Variants in NFIC observed in about 807,000 individuals in gnomAD.
NFIC encodes the protein nuclear factor 1 C-type.
NFIC carries 12 observed loss-of-function variants against 54.4 expected under a neutral mutation model. The observed-to-expected ratio is 0.22, with a 90% confidence interval of 0.14 to 0.36. The LOEUF (loss-of-function observed/expected upper bound fraction) is 0.36, where lower values mean the gene tolerates loss of function less well. Ranked by LOEUF, NFIC falls within the 10% of genes least tolerant of loss-of-function variation. NFIC has a pLI of 1.00. For missense variants in NFIC, 575 were observed against 718.2 expected, an observed-to-expected ratio of 0.80 and a Z score of 2.28; for synonymous variants, 322 against 319.2, an observed-to-expected ratio of 1.01 and a Z score of -0.09.
intron 2 of NFIC, among the ~76,000 whole-genome samples, chr19:3,392,902 G>A (rs1188525194): frequency 6.6e-6 from 1 of 152,228 alleles, no homozygotes; most frequent in East Asian, 1.9e-4. Context: ...TGCCCAGGAA[G>A]GGCCTTGGCT....
At chr19:3,414,774 C>G (rs951602434) in intron 2 of NFIC, among the ~76,000 whole-genome samples, 1 of 152,028 alleles carries the variant, frequency 6.6e-6, no homozygotes, top group South Asian at 2.1e-4. Flanking sequence ...GCTGCAAACC[C>G]CGACTCTGTG....
intron 6 of NFIC, among the ~76,000 whole-genome samples, chr19:3,445,857 A>C (rs544500769): frequency 2.6e-5 from 4 of 152,248 alleles, no homozygotes; most frequent in South Asian, 4.1e-4. Flanking sequence ...CACCAGCAGG[A>C]GACCCAAGAC....
In NFIC at chr19:3,463,661, C is replaced by T; in HGVS notation, c.*892C>T. 1.0e-6 allele frequency: 1 copy of T among 982,106 alleles called. No homozygotes were observed. The highest frequency in any genetic ancestry group is 1.2e-6 in the Non-Finnish European group (1 of 827,786). 60.8% of individuals were successfully genotyped at this position (982,106 alleles called of 1,614,324 possible). A position where few individuals can be genotyped will look rare whatever the true frequency, so the allele number is the denominator to read the frequency against. On this transcript the variant is annotated 3_prime_UTR_variant, in exon 11 of 11. Coordinates refer to ENST00000443272, the MANE Select transcript of NFIC (RefSeq NM_001245002.2). ...CCCCCGGCATAGGAGGCCCCCCCACCTCGCCCGGCTCACACCCCCAAAGGG... is the reference window on the plus strand; with the variant it reads ...CCCCCGGCATAGGAGGCCCCCCCACTTCGCCCGGCTCACACCCCCAAAGGG...
At chr19:3,444,422 C>T (rs1200214782) in intron 6 of NFIC, among the ~76,000 whole-genome samples, 1 of 152,156 alleles carries the variant, frequency 6.6e-6, no homozygotes, top group Non-Finnish European at 1.5e-5. Flanking sequence ...CTGAGATGGG[C>T]GGGGGACGCA....
rs1244660084 is a variant in NFIC, at chr19:3,467,781, A to ATATATATATATATATATATATATATATG, written c.*5020_*5021insTATATATATATATATATATGTATATATA. ...TACATATATATATATATATATATAT[A>ATATATATATATATATATATATATATATG]TATATATAATTTTGGAATTTGTTTC... On this transcript the variant is annotated 3_prime_UTR_variant, in exon 11 of 11. Transcript: ENST00000443272. The ATATATATATATATATATATATATATATG allele has an allele frequency of 3.2e-4, 43 of 135,122 alleles. 3 individuals carry two copies. Among genetic ancestry groups the ATATATATATATATATATATATATATATG allele is most frequent in the African/African-American group, 1.2e-3 (39 of 33,154 alleles). The allele number at this position is 135,122 out of a possible 1,614,324, so 8.4% of individuals were successfully genotyped here. A position where few individuals can be genotyped will look rare whatever the true frequency, so the allele number is the denominator to read the frequency against.
At chr19:3,435,912 C>A (rs1403781169) in intron 6 of NFIC, among the ~76,000 whole-genome samples, 1 of 151,590 alleles carries the variant, frequency 6.6e-6, no homozygotes, top group African/African-American at 2.4e-5. Flanking sequence ...CTGCAGCCTC[C>A]ACCTCCCTGG....
At chr19:3,418,515 G>A (rs938309995) in intron 2 of NFIC, among the ~76,000 whole-genome samples, 1 of 152,180 alleles carries the variant, frequency 6.6e-6, no homozygotes, top group African/African-American at 2.4e-5. Flanking sequence ...AGAATGGTCA[G>A]CAGGTGGTTG....
At position 3,420,556 on chromosome 19, in the gene NFIC, A is replaced by AAAATAAATAAATAAATAAATAAAT. The variant is rs374927099; in HGVS notation, c.563-4542_563-4519dup. On this transcript the variant is annotated intron_variant, in intron 2 of 10. Transcript: ENST00000443272. ...AACAAGAGCGAGATTCCATCTCAAA[A>AAAATAAATAAATAAATAAATAAAT]AAATAAATAAATAAATAAATAAATA... Among the ~76,000 whole-genome samples, 232 of 142,750 alleles carry AAAATAAATAAATAAATAAATAAAT rather than the reference A, an allele frequency of 1.6e-3. 1 individual carries two copies. The highest frequency in any genetic ancestry group is 2.4e-3 in the African/African-American group (94 of 38,618). The allele number at this position is 142,750 out of a possible 152,430, so 93.6% of individuals were successfully genotyped here. A position where few individuals can be genotyped will look rare whatever the true frequency, so the allele number is the denominator to read the frequency against.
In NFIC at chr19:3,466,742, C is replaced by T. The variant is rs1250981787; in HGVS notation, c.*3973C>T. On this transcript the variant is annotated 3_prime_UTR_variant, in exon 11 of 11. Transcript: ENST00000443272. This position sits in a 1 kb window ranked among gnomAD's most constrained non-coding sequence, Gnocchi z 4.8. ...AACCGGAGGCAAAGGGAGTGGGTGG[C>T]CCCATCACTATTGGGACCATCGCGT... The T allele has an allele frequency of 2.6e-5, 4 of 151,982 alleles. No homozygotes were observed. Among genetic ancestry groups the T allele is most frequent in the Admixed American group, 2.6e-4 (4 of 15,266 alleles). 9.4% of individuals were successfully genotyped at this position (151,982 alleles called of 1,614,324 possible).
intron 3 of NFIC, among the ~76,000 whole-genome samples, chr19:3,429,918 C>T (rs919308217): frequency 4.6e-5 from 7 of 152,142 alleles, no homozygotes; most frequent in African/African-American, 9.7e-5. Flanking sequence ...AGTCACGGGG[C>T]GGTTGCCAGG....
In NFIC at chr19:3,464,464, G is replaced by A. The variant is rs1464183842; in HGVS notation, c.*1695G>A. On this transcript the variant is annotated 3_prime_UTR_variant, in exon 11 of 11. Transcript: ENST00000443272. ...CCCAGGATCGCCATCTTTAGGGGAG[G>A]CCTGGGAGGGGGTGTTAGGTGTTTT... The A allele has an allele frequency of 3.0e-6, 3 of 984,202 alleles. No homozygotes were observed. The highest frequency in any genetic ancestry group is 2.4e-6 in the Non-Finnish European group (2 of 829,492). The allele number at this position is 984,202 out of a possible 1,614,324, so 61.0% of individuals were successfully genotyped here.
At chr19:3,403,991 C>T (rs922822074) in intron 2 of NFIC, among the ~76,000 whole-genome samples, 6 of 152,040 alleles carry the variant, frequency 3.9e-5, no homozygotes, top group Non-Finnish European at 5.9e-5. Context: ...ACATGTGGCT[C>T]CCGGGGCTCC....
At chr19:3,365,940 G>C (rs1173764955), upstream of NFIC, among the ~76,000 whole-genome samples, 1 of 152,198 alleles carries the variant, frequency 6.6e-6, no homozygotes, top group Non-Finnish European at 1.5e-5. Context: ...GAGCCAGGGT[G>C]CTGTGGGACC....
chr19:3,461,342 G>A (rs1297843487), intron 10 of NFIC, among the ~76,000 whole-genome samples: 1 of 152,054 alleles, frequency 6.6e-6, no homozygotes, highest in Non-Finnish European at 1.5e-5. Flanking sequence ...AGGATCACTT[G>A]AGCCCAGGAG....
chr19:3,438,989 G>A (rs2082249746), intron 6 of NFIC, among the ~76,000 whole-genome samples: 1 of 152,094 alleles, frequency 6.6e-6, no homozygotes, highest in Admixed American at 6.6e-5. Context: ...AGGAGAATCA[G>A]GCTGACAGAG....
chr19:3,409,594 G>A (rs370257413), intron 2 of NFIC, among the ~76,000 whole-genome samples: 5 of 152,142 alleles, frequency 3.3e-5, no homozygotes, highest in East Asian at 3.9e-4. Flanking sequence ...CACCAACGGC[G>A]GAAGCTTCAG....
At chr19:3,366,541 G>GT (rs1483709084), upstream of NFIC, 7 of 571,016 alleles carry the variant, frequency 1.2e-5, no homozygotes, top group African/African-American at 2.4e-5. Context: ...GGGCGGGGGG[G>GT]GGGGTTGGGG....
intron 6 of NFIC, among the ~76,000 whole-genome samples, chr19:3,442,634 G>A (rs930848125): frequency 2.6e-5 from 4 of 152,020 alleles, no homozygotes; most frequent in African/African-American, 9.7e-5. Context: ...TGATCCGCCC[G>A]CCTCGGCCTC....
intron 3 of NFIC, among the ~76,000 whole-genome samples, chr19:3,431,128 G>A (rs1032491956): frequency 1.3e-5 from 2 of 151,678 alleles, no homozygotes; most frequent in Non-Finnish European, 1.5e-5. Context: ...CCAGGCTGGA[G>A]TGCAATGTCG....
Sources: gnomAD v4.1 joint callset for allele counts (sites outside exome capture counted in the v4.1 genomes callset) on GRCh38, gnomAD v4.1.1 for gene constraint, Gnocchi (gnomAD v3.1) non-coding constraint, MANE v1.5 for transcripts, NCBI Gene and HGNC (gene_info 2026-07-23, HGNC 2026-07-21) for gene names.